NCS1: variants seen among roughly 807,000 people sequenced by gnomAD.
NCS1 encodes neuronal calcium sensor 1.
A neutral mutation model predicts 28.4 loss-of-function variants in NCS1; 6 were observed. The ratio of observed to expected loss-of-function variants is 0.21; its 90% CI spans 0.12 to 0.42. The LOEUF is 0.42. Among genes scored for constraint, NCS1 ranks in the 10% least tolerant of loss-of-function variants. NCS1 has a pLI of 1.00. For synonymous variants in NCS1, 86 were observed against 99.3 expected (o/e 0.87, Z 0.79); for missense variants, 131 against 241.4 (o/e 0.54, Z 3.03).
chr9:130,192,407 AC>A lies in NCS1; in HGVS notation c.65-8550del, dbSNP rs528498580. ...AGCCTGTGCCCACCTTCCTGTCCTC[AC>A]TCCAGCCCTCTCGGGGGCTGCTCTT... On this transcript the variant is annotated intron_variant, in intron 1 of 7. Coordinates refer to ENST00000372398, the MANE Select transcript of NCS1 (RefSeq NM_014286.4). This position sits in a 1 kb window ranked among gnomAD's most constrained non-coding sequence, Gnocchi z 4.8. Among the ~76,000 whole-genome samples the A allele has an allele frequency of 4.0e-3, 584 of 147,530 alleles. 4 individuals are homozygous for A. Among genetic ancestry groups the A allele is most frequent in the African/African-American group, 0.012 (467 of 39,822 alleles).
At chr9:130,183,726 TTC>T (rs1204525907) in intron 1 of NCS1, among the ~76,000 whole-genome samples, 4 of 138,308 alleles carry the variant, frequency 2.9e-5, no homozygotes, top group Non-Finnish European at 5.0e-5. Context: ...CCTTCCTTCT[TTC>T]TCTCTCTCTT....
rs149193141 is a variant in NCS1 at position 130,187,723 on chromosome 9, G to A, written c.65-13235G>A. ...ATCTCCATCTATCCCTGTGTGGAGGGCCTCGCACCTTCCCTGGGGTCTCTC... is the reference window on the plus strand; with the variant it reads ...ATCTCCATCTATCCCTGTGTGGAGGACCTCGCACCTTCCCTGGGGTCTCTC... On this transcript the variant is annotated intron_variant, in intron 1 of 7. Transcript: ENST00000372398. Among the ~76,000 whole-genome samples the A allele has an allele frequency of 2.7e-3, 409 of 152,310 alleles. 1 individual carries two copies. Among genetic ancestry groups the A allele is most frequent in the Non-Finnish European group, 3.6e-3 (247 of 68,018 alleles).
intron 1 of NCS1, among the ~76,000 whole-genome samples, chr9:130,189,477 G>A (rs1481738862): frequency 3.3e-5 from 5 of 152,196 alleles, no homozygotes; most frequent in South Asian, 4.1e-4. Flanking sequence ...CCTGAGTGCC[G>A]GGGTCGGCTC....
chr9:130,211,010 A>ATT (rs34425557), intron 2 of NCS1, among the ~76,000 whole-genome samples: 69,056 of 92,428 alleles, frequency 0.75, 26,859 homozygotes, highest in East Asian at 0.89. Context: ...GGCTCCACTA[A>ATT]TTTTTTTTTT....
intron 2 of NCS1, among the ~76,000 whole-genome samples, chr9:130,210,388 G>T (rs1833097019): frequency 7.1e-6 from 1 of 140,648 alleles, no homozygotes; most frequent in South Asian, 2.2e-4. Flanking sequence ...GACAGAGTGA[G>T]ACTCAGTCTT....
At chr9:130,188,596 C>A (rs140876467) in intron 1 of NCS1, among the ~76,000 whole-genome samples, 1 of 151,378 alleles carries the variant, frequency 6.6e-6, no homozygotes, top group Non-Finnish European at 1.5e-5. Flanking sequence ...TTAGTAGAGA[C>A]GGGGTTTCTC....
chr9:130,190,945 A>G (rs1475670992), intron 1 of NCS1, among the ~76,000 whole-genome samples: 1 of 152,156 alleles, frequency 6.6e-6, no homozygotes, highest in Non-Finnish European at 1.5e-5. Flanking sequence ...AGCTCTAAGC[A>G]GCCTCTCTCC....
intron 2 of NCS1, among the ~76,000 whole-genome samples, chr9:130,211,667 C>T (rs1041141200): frequency 6.6e-6 from 1 of 152,086 alleles, no homozygotes; most frequent in African/African-American, 2.4e-5. Context: ...AGCTCCCATT[C>T]TGGAGTATGG....
chr9:130,226,572 AC>A lies in NCS1; in HGVS notation c.*17+70del. The stretch of plus-strand genomic sequence containing the variant: ...AGGGGTGAAAACCCAGCAGCAGGAC[AC>A]CTACGGTTGGCAGGTAATTACCTGG... On this transcript the variant is annotated intron_variant, in intron 7 of 7. Coordinates refer to ENST00000372398, the MANE Select transcript of NCS1 (RefSeq NM_014286.4). This position sits in a 1 kb window ranked among gnomAD's most constrained non-coding sequence, Gnocchi z 4.8. The A allele has an allele frequency of 8.3e-7, 1 of 1,197,868 alleles. No individual in the cohort carries two copies. Among genetic ancestry groups the A allele is most frequent in the Non-Finnish European group, 1.2e-6 (1 of 827,868 alleles). 74.2% of individuals were successfully genotyped at this position (1,197,868 alleles called of 1,614,324 possible).
chr9:130,176,590 C>G (rs1178165500), intron 1 of NCS1, among the ~76,000 whole-genome samples: 1 of 152,250 alleles, frequency 6.6e-6, no homozygotes, highest in Non-Finnish European at 1.5e-5. Context: ...ACAGAGGAAT[C>G]TTGCTGACTC....
Position 130,186,180 on chromosome 9 carries a change from C to T in NCS1, c.64+13453C>T, listed in dbSNP as rs951281352. Among the ~76,000 whole-genome samples the T allele has an allele frequency of 6.6e-6, 1 of 152,168 alleles. No individual in the cohort carries two copies. The highest frequency in any genetic ancestry group is 2.4e-5 in the African/African-American group (1 of 41,442). On this transcript the variant is annotated intron_variant, in intron 1 of 7. Coordinates refer to ENST00000372398, the MANE Select transcript of NCS1 (RefSeq NM_014286.4). The surrounding 1 kb of genome is among the most constrained non-coding windows in gnomAD (Gnocchi z 4.1). ...ATGGAACAGCTGCCTCGTGTTAGGC[C>T]CTGCGGATGCTGGGGCCACAGGGCA...
intron 2 of NCS1, among the ~76,000 whole-genome samples, chr9:130,204,053 C>T (rs1021968033): frequency 2.0e-5 from 3 of 152,002 alleles, no homozygotes; most frequent in Admixed American, 6.6e-5. Context: ...AGTGCAGTGG[C>T]GCAATCTCAG....
intron 1 of NCS1, among the ~76,000 whole-genome samples, chr9:130,194,952 CCT>C: frequency 6.6e-6 from 1 of 152,328 alleles, no homozygotes; most frequent in Middle Eastern, 3.4e-3. Context: ...TTCTCTGTCC[CCT>C]GTGTGCAGGG....
chr9:130,179,597 T>C (rs1464155167), intron 1 of NCS1, among the ~76,000 whole-genome samples: 1 of 152,206 alleles, frequency 6.6e-6, no homozygotes, highest in African/African-American at 2.4e-5. Context: ...GTTGAATTGC[T>C]CTCCAGAAAG....
chr9:130,218,086 A>C, intron 3 of NCS1, 116 bp downstream of exon 3: 2 of 1,297,860 alleles, frequency 1.5e-6, no homozygotes, highest in Non-Finnish European at 2.2e-6. Flanking sequence ...GAACACACAC[A>C]CGAGTGCATA....
chr9:130,211,645 G>A (rs1833114376), intron 2 of NCS1, among the ~76,000 whole-genome samples: 2 of 151,974 alleles, frequency 1.3e-5, no homozygotes, highest in South Asian at 2.1e-4. Context: ...TCCTGGTACC[G>A]AGCACAGAGG....
intron 1 of NCS1, among the ~76,000 whole-genome samples, chr9:130,199,106 T>A (rs1485230569): frequency 2.0e-5 from 3 of 152,028 alleles, no homozygotes; most frequent in Admixed American, 1.3e-4. Context: ...CTCTTTTTTT[T>A]TTTTTGAGAC....
chr9:130,218,722 G>A (rs1833225735), intron 3 of NCS1, among the ~76,000 whole-genome samples: 1 of 152,036 alleles, frequency 6.6e-6, no homozygotes, highest in Non-Finnish European at 1.5e-5. Context: ...CTCCTGAGAA[G>A]CTGGGATTAC....
At chr9:130,231,395 T>A (rs1833500056) in intron 7 of NCS1, among the ~76,000 whole-genome samples, 1 of 152,106 alleles carries the variant, frequency 6.6e-6, no homozygotes, top group African/African-American at 2.4e-5. Flanking sequence ...ATGTATTTAT[T>A]TTTTTGAGGT....
Sources: gnomAD v4.1 joint callset for allele counts (sites outside exome capture counted in the v4.1 genomes callset) on GRCh38, gnomAD v4.1.1 for gene constraint, Gnocchi (gnomAD v3.1) non-coding constraint, MANE v1.5 for transcripts, NCBI Gene and HGNC (gene_info 2026-07-23, HGNC 2026-07-21) for gene names.